LARP4B: variants seen among roughly 807,000 people sequenced by gnomAD.
LARP4B encodes la-related protein 4B.
In LARP4B, 12 loss-of-function variants were observed where a neutral mutation model predicts 89.8. That is an observed-to-expected ratio of 0.13 (90% CI 0.09 to 0.22). The LOEUF (loss-of-function observed/expected upper bound fraction) is 0.22, where lower values mean the gene tolerates loss of function less well. LARP4B is among the 10% of genes least tolerant of loss of function. The probability of loss-of-function intolerance (pLI) is 1.00; values close to 1 mark genes in which losing one functional copy is unlikely to be tolerated. For missense variants in LARP4B, 757 were observed against 947.7 expected (o/e 0.80, Z 2.64); for synonymous variants, 367 against 363.3 (o/e 1.01, Z -0.12).
chr10:884,901 A>G, intron 2 of LARP4B, among the ~76,000 whole-genome samples: 1 of 152,228 alleles, frequency 6.6e-6, no homozygotes, highest in East Asian at 1.9e-4. Context: ...ATCACTACAT[A>G]TCCTTGATTT....
chr10:941,123 G>A, the LARP4B span, among the ~76,000 whole-genome samples: 2 of 152,178 alleles, frequency 1.3e-5, no homozygotes, highest in Admixed American at 6.5e-5. Context: ...CAGGTGCTTG[G>A]AGGAGGACGG....
chr10:950,643 CTCTT>C, the LARP4B span, among the ~76,000 whole-genome samples: 6 of 152,162 alleles, frequency 3.9e-5, no homozygotes, highest in African/African-American at 1.2e-4. Context: ...CTGCGTCTCT[CTCTT>C]TATTTAGGCT....
the LARP4B span, among the ~76,000 whole-genome samples, chr10:944,928 T>G: frequency 6.6e-6 from 1 of 152,240 alleles, no homozygotes; most frequent in Admixed American, 6.5e-5. Context: ...TTGCTGATAG[T>G]CTTTAACAAA....
At chr10:918,498 G>A (rs537698205) in intron 1 of LARP4B, among the ~76,000 whole-genome samples, 6 of 151,934 alleles carry the variant, frequency 3.9e-5, no homozygotes, top group Non-Finnish European at 8.8e-5. Context: ...ACCAGGTGTG[G>A]TGGCACGTGC....
intron 5 of LARP4B, among the ~76,000 whole-genome samples, chr10:849,433 A>C (rs1833935298): frequency 6.6e-6 from 1 of 152,252 alleles, no homozygotes; most frequent in African/African-American, 2.4e-5. Flanking sequence ...CAACAAAATA[A>C]AGCAGTACTG....
Position 843,039 on chromosome 10 carries a change from A to T in LARP4B, c.539T>A (p.Ile180Lys). Residue 180 changes from isoleucine (I) to lysine (K), a missense_variant, in exon 7 of 18, where the codon ATA becomes AAA. By Grantham distance (102) the Ile-to-Lys change is moderately radical (BLOSUM62 -3). Around this residue, in one of 5 missense-constraint regions of LARP4B, gnomAD observed 54 missense variants for 96.0 expected, o/e 0.56. Transcript: ENST00000316157. ...ATACTGGTCACTATCCATCTGTGAT[A>T]TAAGATACATGTCACTAGCAAGGTT... Reference protein sequence around the residue: ...RENLASDMYLISQMDSDQYVP... With the variant: ...RENLASDMYLKSQMDSDQYVP... 1 of 1,614,042 alleles carries T rather than the reference A, an allele frequency of 6.2e-7. No homozygotes were observed. The highest frequency in any genetic ancestry group is 8.5e-7 in the Non-Finnish European group (1 of 1,179,864).
At chr10:908,399 C>T (rs531091407) in intron 1 of LARP4B, among the ~76,000 whole-genome samples, 2 of 152,298 alleles carry the variant, frequency 1.3e-5, no homozygotes, top group East Asian at 1.9e-4. Context: ...ACATGTTTTC[C>T]TTACTTGTGT....
chr10:826,808 GAAAGGAAAGGAAA>G (rs1292273491), intron 11 of LARP4B, among the ~76,000 whole-genome samples: 2 of 152,090 alleles, frequency 1.3e-5, no homozygotes, highest in African/African-American at 2.4e-5. Context: ...GAGGAAGAGA[GAAAGGAAAGGAAA>G]AAAGCAAGTA....
intron 3 of LARP4B, among the ~76,000 whole-genome samples, chr10:879,554 G>C (rs1835588227): frequency 6.6e-6 from 1 of 151,762 alleles, no homozygotes; most frequent in Non-Finnish European, 1.5e-5. Flanking sequence ...CTGGAGTGCA[G>C]TGGTGCAATC....
chr10:912,083 G>A (rs1319395706), intron 1 of LARP4B, among the ~76,000 whole-genome samples: 1 of 152,210 alleles, frequency 6.6e-6, no homozygotes, highest in Non-Finnish European at 1.5e-5. Context: ...GCAGTGAGAA[G>A]CACTGTGGAA....
chr10:882,051 T>C (rs900644041), intron 3 of LARP4B, among the ~76,000 whole-genome samples: 2 of 152,032 alleles, frequency 1.3e-5, no homozygotes, highest in African/African-American at 4.8e-5. Context: ...TGTTTGTGCC[T>C]GCCCAAGGAT....
At chr10:884,963 A>G (rs745747435) in intron 2 of LARP4B, among the ~76,000 whole-genome samples, 14 of 152,188 alleles carry the variant, frequency 9.2e-5, no homozygotes, top group Admixed American at 1.3e-4. Context: ...TGTTTTTGTT[A>G]TCATCTACTA....
rs1036237420 is a variant in LARP4B, at chr10:811,187, AAG to A, written c.*1737_*1738del. ...TTCAACACACCGATGTAAGAGAAAA[AAG>A]AAAATCTCAACAAATCAAAATAATA... is the stretch of plus-strand genomic sequence containing the variant. On this transcript the variant is annotated 3_prime_UTR_variant, in exon 18 of 18. Transcript: ENST00000316157. 2.6e-5 allele frequency: 4 copies of A among 152,646 alleles called. No individual in the cohort carries two copies. The highest frequency in any genetic ancestry group is 7.2e-5 in the African/African-American group (3 of 41,450). 9.5% of individuals were successfully genotyped at this position (152,646 alleles called of 1,614,324 possible).
chr10:865,430 A>C (rs927968504), intron 3 of LARP4B, among the ~76,000 whole-genome samples: 1 of 152,166 alleles, frequency 6.6e-6, no homozygotes, highest in East Asian at 1.9e-4. Flanking sequence ...TTTGGAGTAA[A>C]AGACGAAGTT....
chr10:826,089 G>A (rs570989776), intron 11 of LARP4B, among the ~76,000 whole-genome samples: 1 of 152,236 alleles, frequency 6.6e-6, no homozygotes, highest in Non-Finnish European at 1.5e-5. Flanking sequence ...CAACAATCCA[G>A]CGAGGAGAAC....
chr10:897,231 A>T (rs1588972345), intron 1 of LARP4B, among the ~76,000 whole-genome samples: 1 of 152,348 alleles, frequency 6.6e-6, no homozygotes, highest in East Asian at 1.9e-4. Flanking sequence ...CGTTACATTT[A>T]TAGACAACTG....
chr10:907,196 G>C (rs1381487974), intron 1 of LARP4B, among the ~76,000 whole-genome samples: 2 of 152,136 alleles, frequency 1.3e-5, no homozygotes, highest in African/African-American at 4.8e-5. Flanking sequence ...GTTCACTGTT[G>C]TATCCCTAAC....
chr10:947,160 A>G, the LARP4B span, among the ~76,000 whole-genome samples: 1 of 152,062 alleles, frequency 6.6e-6, no homozygotes, highest in Admixed American at 6.6e-5. Context: ...GTGAGCCACT[A>G]TGCCCAGCCG....
chr10:836,075 T>TA (rs1588883815), intron 8 of LARP4B, among the ~76,000 whole-genome samples: 2 of 151,866 alleles, frequency 1.3e-5, no homozygotes, highest in African/African-American at 4.8e-5. Flanking sequence ...AAGTTTTTTT[T>TA]ATCACAAAAG....
Sources: allele counts gnomAD v4.1 joint callset (sites outside exome capture counted in the v4.1 genomes callset), GRCh38; gene constraint gnomAD v4.1.1; regional missense constraint gnomAD v4.1.1; transcripts MANE v1.5; gene names NCBI Gene and HGNC (gene_info 2026-07-23, HGNC 2026-07-21).